KMT2D: variants seen among roughly 807,000 people sequenced by gnomAD.
KMT2D encodes the protein lysine methyltransferase 2D, also known as histone-lysine N-methyltransferase 2D.
A neutral mutation model predicts 512.7 loss-of-function variants in KMT2D; 55 were observed. The observed-to-expected ratio is 0.11, with a 90% CI of 0.09 to 0.13. The LOEUF (loss-of-function observed/expected upper bound fraction) is 0.13, where lower values mean the gene tolerates loss of function less well. Among genes scored for constraint, KMT2D ranks in the 10% least tolerant of loss-of-function variants. KMT2D has a pLI of 1.00. For synonymous variants in KMT2D, 2,995 were observed against 2,904.0 expected, an observed-to-expected ratio of 1.03 and a Z score of -1.01; for missense variants, 6,061 against 7,127.9, an observed-to-expected ratio of 0.85 and a Z score of 5.39.
rs202037419 is a variant in KMT2D at position 49,024,831 on chromosome 12, G to C, written c.15900C>G (p.Ala5300=). ...TTACTGATTCAGCTATGCGAAGCAC[G>C]GCATGCACCGTCAGCCCAAAGAGCT... The part of the protein sequence containing the change: ...GEELFGLTVH[A]VLRIAESLPG... Residue 5300 remains alanine (A), a synonymous_variant, in exon 50 of 55, where the codon GCC becomes GCG. Coordinates refer to ENST00000301067, the MANE Select transcript of KMT2D (RefSeq NM_003482.4). This position sits in a 1 kb window ranked among gnomAD's most constrained non-coding sequence, Gnocchi z 4.5. 60 of 1,612,834 alleles carry C rather than the reference G, an allele frequency of 3.7e-5. No homozygotes were observed. In the African/African-American group the frequency reaches 6.7e-4, roughly 18 times the overall value.
chr12:49,033,518 C>G lies in KMT2D; in HGVS notation c.11187G>C (p.Gln3729His). 6.2e-7 allele frequency: 1 copy of G among 1,613,552 alleles called. No homozygotes were observed. Among genetic ancestry groups the G allele is most frequent in the Non-Finnish European group, 8.5e-7 (1 of 1,179,780 alleles). The change falls in exon 40 of 55, where the codon CAG becomes CAC. Residue 3729 changes from glutamine to histidine, a missense_variant. Around this residue, in one of 16 missense-constraint regions of KMT2D, gnomAD observed 1,600 missense variants for 1,754.9 expected, o/e 0.91. Coordinates refer to ENST00000301067, the MANE Select transcript of KMT2D (RefSeq NM_003482.4). ...RQLQLQQQRM[Q>H]LAQKLQQQQQ... ...GCTGCTGCTGCAGTTTCTGGGCCAG[C>G]TGCATACGTTGCTGCTGCAGCTGCA...
Position 49,037,537 on chromosome 12 carries a change from G to GGCAGGCTGCAACTGT in KMT2D, c.9804_9818dup (p.Leu3270_Gln3274dup). Reference sequence around the variant, plus strand: ...GCTGCTGCTGTTGCTGCTGCTGCTGGGCAGGCTGCAACTGTGCTGAAAGCT... The same window carrying GGCAGGCTGCAACTGT: ...GCTGCTGCTGTTGCTGCTGCTGCTGGGCAGGCTGCAACTGTGCAGGCTGCAACTGTGCTGAAAGCT... On this transcript the variant is annotated inframe_insertion, in exon 35 of 55. Transcript: ENST00000301067. 3 of 1,554,518 alleles carry GGCAGGCTGCAACTGT rather than the reference G, an allele frequency of 1.9e-6. No homozygotes were observed. The highest frequency in any genetic ancestry group is 2.6e-6 in the Non-Finnish European group (3 of 1,148,852).
chr12:49,028,341 A>G (rs191829246), intron 46 of KMT2D, among the ~76,000 whole-genome samples, 200 bp from the exon 47 acceptor site: 133 of 152,326 alleles, frequency 8.7e-4, no homozygotes, highest in Non-Finnish European at 1.7e-3. Context: ...GAGCTCCACG[A>G]AAAGGGAACT....
At position 49,021,682 on chromosome 12, in the gene KMT2D, G is replaced by T; in HGVS notation, c.*98C>A. The T allele has an allele frequency of 9.3e-7, 1 of 1,073,000 alleles. No homozygotes were observed. Among genetic ancestry groups the T allele is most frequent in the Non-Finnish European group, 1.4e-6 (1 of 723,554 alleles). 66.5% of individuals were successfully genotyped at this position (1,073,000 alleles called of 1,614,324 possible). A position where few individuals can be genotyped will look rare whatever the true frequency, so the allele number is the denominator to read the frequency against. ...CGGGTCAGCCGGCAGCCCCAACCCT[G>T]GGTCCTGGCTCTGGCTGCTACCTCT... On this transcript the variant is annotated 3_prime_UTR_variant, in exon 55 of 55. Transcript: ENST00000301067.
rs2120575285 is a variant in KMT2D, at chr12:49,043,915, C to T, written c.5272G>A (p.Gly1758Arg). 6.2e-7 allele frequency: 1 copy of T among 1,614,104 alleles called. No homozygotes were observed. Among genetic ancestry groups the T allele is most frequent in the Non-Finnish European group, 8.5e-7 (1 of 1,179,914 alleles). The change falls in exon 23 of 55, where the codon GGG (glycine) becomes AGG (arginine). Residue 1758 changes from glycine (G) to arginine (R), a missense_variant. By Grantham distance (125) the Gly-to-Arg change is moderately radical (BLOSUM62 -2). Transcript: ENST00000301067. ...GDEKKKQQRR[G>R]RKKSKLEDMF... is the part of the protein sequence containing the mutation. ...TCCTCCAGTTTGCTCTTCTTGCGCC[C>T]TCGCCGCTGTTGCTTCTTCTTCTCA...
rs1592162618 is a variant in KMT2D, at chr12:49,054,807, G to A, written c.177-56C>T. The A allele has an allele frequency of 1.2e-6, 2 of 1,604,994 alleles. No individual in the cohort carries two copies. Among genetic ancestry groups the A allele is most frequent in the East Asian group, 2.2e-5 (1 of 44,682 alleles). On this transcript the variant is annotated intron_variant, in intron 3 of 54. Coordinates refer to ENST00000301067, the MANE Select transcript of KMT2D (RefSeq NM_003482.4). This position sits in a 1 kb window ranked among gnomAD's most constrained non-coding sequence, Gnocchi z 6.4. ...AGGCCCCCAGCAACCCCATGATCTGGCATGCCCATGCTTCCCCAACACTCA... is the reference window on the plus strand; with the variant it reads ...AGGCCCCCAGCAACCCCATGATCTGACATGCCCATGCTTCCCCAACACTCA...
At position 49,022,395 on chromosome 12, in the gene KMT2D, G is replaced by C. The variant is rs370811852; in HGVS notation, c.16339-42C>G. On this transcript the variant is annotated intron_variant, in intron 52 of 54. Coordinates refer to ENST00000301067, the MANE Select transcript of KMT2D (RefSeq NM_003482.4). This position sits in a 1 kb window ranked among gnomAD's most constrained non-coding sequence, Gnocchi z 8.6. Reference sequence around the variant, plus strand: ...TGCAGAAGAAGGGACAAGAGTATCAGAGAGTGGCAGTGGTGGCTGTGGGAT... The same window carrying C: ...TGCAGAAGAAGGGACAAGAGTATCACAGAGTGGCAGTGGTGGCTGTGGGAT... 1.2e-5 allele frequency: 19 copies of C among 1,575,426 alleles called. No homozygotes were observed. In the African/African-American group the frequency reaches 2.4e-4, roughly 20 times the overall value.
intron 49 of KMT2D, 141 bp from the exon 50 acceptor site, chr12:49,025,087 T>C: frequency 6.0e-6 from 6 of 997,872 alleles, no homozygotes; most frequent in Non-Finnish European, 8.8e-6. Flanking sequence ...CCAGATCCTC[T>C]CTTGGCCTCC....
chr12:49,019,019 C>G lies in KMT2D; in HGVS notation c.*2761G>C. 2 of 1,387,518 alleles carry G rather than the reference C, an allele frequency of 1.4e-6. No individual in the cohort carries two copies. The highest frequency in any genetic ancestry group is 1.9e-6 in the Non-Finnish European group (2 of 1,073,654). The allele number at this position is 1,387,518 out of a possible 1,614,324, so 86.0% of individuals were successfully genotyped here. A position where few individuals can be genotyped will look rare whatever the true frequency, so the allele number is the denominator to read the frequency against. On this transcript the variant is annotated 3_prime_UTR_variant, in exon 55 of 55. Transcript: ENST00000301067. ...TTTTTATTTGTCGTTTAAAAACAAA[C>G]TTGGAAGAAGCAAAATCCAAAACTT...
rs1389193871 is a variant in KMT2D at position 49,031,823 on chromosome 12, T to C, written c.12882A>G (p.Gly4294=). The C allele has an allele frequency of 1.3e-6, 2 of 1,564,712 alleles. No homozygotes were observed. Among genetic ancestry groups the C allele is most frequent in the African/African-American group, 1.4e-5 (1 of 73,192 alleles). ...QGPPRLPAPP[G]ALSTGPVLGP... ...CAAGGACTGGTCCTGTAGATAAGGC[T>C]CCTGGTGGGGCAGGGAGCCGGGGTG... Residue 4294 remains glycine (G), a synonymous_variant, in exon 40 of 55, where the codon GGA becomes GGG. Coordinates refer to ENST00000301067, the MANE Select transcript of KMT2D (RefSeq NM_003482.4).
chr12:49,054,934 T>A lies in KMT2D; in HGVS notation c.142A>T (p.Ser48Cys). 6.2e-7 allele frequency: 1 copy of A among 1,614,002 alleles called. No homozygotes were observed. Among genetic ancestry groups the A allele is most frequent in the Non-Finnish European group, 8.5e-7 (1 of 1,179,894 alleles). The change falls in exon 3 of 55, where the codon AGT becomes TGT. Residue 48 changes from serine (S) to cysteine (C), a missense_variant. Ser to Cys is a moderately radical substitution (Grantham distance 112). Transcript: ENST00000301067. This position sits in a 1 kb window ranked among gnomAD's most constrained non-coding sequence, Gnocchi z 6.4. Reference protein sequence around the residue: ...VGEVSVLSSGSPRLQETPQDC... With the variant: ...VGEVSVLSSGCPRLQETPQDC... ...TGAGGAGTCTCCTGAAGCCTGGGAC[T>A]CCCAGAACTAAGGACAGAGACCTCT... is the stretch of plus-strand genomic sequence containing the variant.
chr12:49,043,608 C>T (rs1194392228), intron 24 of KMT2D, 27 bp downstream of exon 24: 2 of 1,613,134 alleles, frequency 1.2e-6, no homozygotes, highest in Admixed American at 1.7e-5. Flanking sequence ...TGGATTCTCT[C>T]ACACCACTCA....
chr12:49,041,745 G>T lies in KMT2D; in HGVS notation c.6184-40C>A. Reference sequence around the variant, plus strand: ...ACACAGCCTTAGGGCCTAGTGCTTGGTCTCATGCCCCGCCCCCATACTGTA... The same window carrying T: ...ACACAGCCTTAGGGCCTAGTGCTTGTTCTCATGCCCCGCCCCCATACTGTA... On this transcript the variant is annotated intron_variant, in intron 30 of 54. Transcript: ENST00000301067. The surrounding 1 kb of genome is among the most constrained non-coding windows in gnomAD (Gnocchi z 5.4). 1 of 1,589,236 alleles carries T rather than the reference G, an allele frequency of 6.3e-7. No individual in the cohort carries two copies. The highest frequency in any genetic ancestry group is 8.6e-7 in the Non-Finnish European group (1 of 1,166,392).
Position 49,038,061 on chromosome 12 carries a change from G to A in KMT2D, c.9295C>T (p.Arg3099Cys), listed in dbSNP as rs747415183. 1.6e-5 allele frequency: 26 copies of A among 1,612,698 alleles called. No homozygotes were observed. The highest frequency in any genetic ancestry group is 5.5e-5 in the South Asian group (5 of 90,936). Residue 3099 changes from arginine to cysteine, a missense_variant, in exon 35 of 55, where the codon CGC (arginine) becomes TGC (cysteine). Coordinates refer to ENST00000301067, the MANE Select transcript of KMT2D (RefSeq NM_003482.4). This position sits in a 1 kb window ranked among gnomAD's most constrained non-coding sequence, Gnocchi z 5.7. The part of the protein sequence containing the change: ...VEPGPLGPEE[R>C]PPPAADASEP... ...GAGGCATCAGCAGCAGGGGGAGGGC[G>A]CTCCTCAGGGCCCAAGGGTCCTGGC...
In KMT2D at chr12:49,022,395, G is replaced by A. The variant is rs370811852; in HGVS notation, c.16339-42C>T. On this transcript the variant is annotated intron_variant, in intron 52 of 54. Transcript: ENST00000301067. The surrounding 1 kb of genome is among the most constrained non-coding windows in gnomAD (Gnocchi z 8.6). ...TGCAGAAGAAGGGACAAGAGTATCA[G>A]AGAGTGGCAGTGGTGGCTGTGGGAT... 1.6e-4 allele frequency: 259 copies of A among 1,575,426 alleles called. No individual in the cohort carries two copies. Among genetic ancestry groups the A allele is most frequent in the Non-Finnish European group, 2.2e-4 (254 of 1,154,782 alleles).
At chr12:49,055,911 C>A (rs1938379998) in intron 1 of KMT2D, among the ~76,000 whole-genome samples, 1 of 152,200 alleles carries the variant, frequency 6.6e-6, no homozygotes, top group South Asian at 2.1e-4. Flanking sequence ...GGATCTCCCC[C>A]ACCGCCACTT....
Position 49,052,990 on chromosome 12 carries a change from C to G in KMT2D, c.1037G>C (p.Cys346Ser), listed in dbSNP as rs770032317. 14 of 1,614,044 alleles carry G rather than the reference C, an allele frequency of 8.7e-6. No individual in the cohort carries two copies. Among genetic ancestry groups the G allele is most frequent in the Admixed American group, 1.7e-5 (1 of 60,032 alleles). ...NSEWFENYSL[C>S]HRCHKAQGGQ... is the part of the protein sequence containing the mutation. Reference sequence around the variant, plus strand: ...TCCCTGGGCTTTGTGACAGCGGTGACAGAGAGAGTAGTTCTCAAACCACTC... The same window carrying G: ...TCCCTGGGCTTTGTGACAGCGGTGAGAGAGAGAGTAGTTCTCAAACCACTC... The change falls in exon 9 of 55, where the codon TGT (cysteine) becomes TCT (serine). Residue 346 changes from cysteine to serine, a missense_variant. By Grantham distance (112) the Cys-to-Ser change is moderately radical. This residue lies in a region of KMT2D where 848 missense variants were observed against 838.5 expected (regional missense o/e 1.01). Coordinates refer to ENST00000301067, the MANE Select transcript of KMT2D (RefSeq NM_003482.4).
chr12:49,021,921 G>A (rs1452528170), intron 54 of KMT2D, 49 bp from the exon 55 acceptor site: 2 of 1,577,394 alleles, frequency 1.3e-6, no homozygotes, highest in Non-Finnish European at 1.7e-6. Flanking sequence ...ACAGGAAGAG[G>A]GGAGGCCAGA....
chr12:49,048,716 G>A lies in KMT2D; in HGVS notation c.4074C>T (p.Asp1358=). ...AGAGAACCACGGTATTCTGCATGGT[G>A]TCATCATCTTCTTCCTCCTCCTCCT... ...PSKEEEEEDD[D]TMQNTVVLFS... Residue 1358 remains aspartate, a synonymous_variant, in exon 14 of 55, where the codon GAC becomes GAT. Transcript: ENST00000301067. 1 of 1,613,450 alleles carries A rather than the reference G, an allele frequency of 6.2e-7. No homozygotes were observed. The highest frequency in any genetic ancestry group is 1.3e-5 in the African/African-American group (1 of 75,044).
Sources: allele counts gnomAD v4.1 joint callset (sites outside exome capture counted in the v4.1 genomes callset), GRCh38; gene constraint gnomAD v4.1.1; regional missense constraint gnomAD v4.1.1; non-coding constraint Gnocchi (gnomAD v3.1); transcripts MANE v1.5; gene names NCBI Gene and HGNC (gene_info 2026-07-23, HGNC 2026-07-21).